Variants in MYH16 observed in about 807,000 individuals in gnomAD.
The protein encoded by MYH16 is putative uncharacterized protein MYH16.
chr7:99,301,217 A>G (rs1441350139), intron 37 of MYH16, among the ~76,000 whole-genome samples: 35 of 146,948 alleles, frequency 2.4e-4, no homozygotes, highest in East Asian at 2.2e-4. Flanking sequence ...AAAAAAAAAA[A>G]AGAGAGAGAG....
chr7:99,259,704 G>T (rs1791915817), intron 11 of MYH16, among the ~76,000 whole-genome samples: 1 of 147,126 alleles, frequency 6.8e-6, no homozygotes, highest in African/African-American at 2.5e-5. Flanking sequence ...ATATGTGTGT[G>T]TATATATATA....
chr7:99,259,836 T>A (rs1791918388), intron 11 of MYH16, among the ~76,000 whole-genome samples: 2 of 64,824 alleles, frequency 3.1e-5, no homozygotes, highest in South Asian at 8.0e-4. Context: ...ATTATATATA[T>A]ATGTATGTAT....
At chr7:99,248,410 T>G (rs1791759529) in intron 3 of MYH16, among the ~76,000 whole-genome samples, 1 of 152,192 alleles carries the variant, frequency 6.6e-6, no homozygotes, top group Non-Finnish European at 1.5e-5. Flanking sequence ...TCATGATTTT[T>G]TTTTTAAGAG....
intron 13 of MYH16, among the ~76,000 whole-genome samples, chr7:99,262,433 C>T (rs1791947418): frequency 6.6e-6 from 1 of 152,226 alleles, no homozygotes. Context: ...AAACAGCAGG[C>T]TTGGGACCAA....
At chr7:99,280,642 GTCTGTAT>G (rs1355772281) in intron 22 of MYH16, among the ~76,000 whole-genome samples, 1 of 152,180 alleles carries the variant, frequency 6.6e-6, no homozygotes, top group African/African-American at 2.4e-5. Flanking sequence ...GAGCCCAAGG[GTCTGTAT>G]TCCTAGCATG....
intron 13 of MYH16, among the ~76,000 whole-genome samples, chr7:99,262,368 A>G (rs763246606): frequency 2.0e-5 from 3 of 152,216 alleles, no homozygotes; most frequent in Non-Finnish European, 2.9e-5. Flanking sequence ...TGATACCATC[A>G]ACCATAACCA....
intron 11 of MYH16, among the ~76,000 whole-genome samples, chr7:99,259,696 ATGTGTGTGTATATATATATATGTGTG>A (rs1272950810): frequency 1.3e-5 from 2 of 149,904 alleles, no homozygotes; most frequent in Non-Finnish European, 3.0e-5. Context: ...TTTAATATAT[ATGTGTGTGTATATATATATATGTGTG>A]TGTGTGTGTA....
intron 25 of MYH16, among the ~76,000 whole-genome samples, chr7:99,284,604 A>G (rs552304756): frequency 6.6e-6 from 1 of 152,284 alleles, no homozygotes; most frequent in South Asian, 2.1e-4. Flanking sequence ...AAAGTGTCAC[A>G]TTAGTAAATG....
At chr7:99,246,751 G>A (rs1791736672) in intron 2 of MYH16, among the ~76,000 whole-genome samples, 1 of 151,518 alleles carries the variant, frequency 6.6e-6, no homozygotes, top group Admixed American at 6.6e-5. Context: ...AAAGAAACTA[G>A]CCCAGCATTT....
chr7:99,260,614 A>G (rs560536387), intron 12 of MYH16: 19 of 243,972 alleles, frequency 7.8e-5, no homozygotes, highest in Non-Finnish European at 2.5e-5. Flanking sequence ...AGATGGGAAC[A>G]TTGAGGCACA....
intron 5 of MYH16, among the ~76,000 whole-genome samples, chr7:99,250,296 G>A (rs1178266531): frequency 6.6e-6 from 1 of 152,188 alleles, no homozygotes; most frequent in Non-Finnish European, 1.5e-5. Flanking sequence ...CCCAGGCCAT[G>A]TCTGCCTCCA....
intron 20 of MYH16, among the ~76,000 whole-genome samples, chr7:99,276,291 G>A (rs912749464): frequency 3.9e-5 from 6 of 152,208 alleles, no homozygotes; most frequent in Admixed American, 6.5e-5. Context: ...CAAAAGAGGC[G>A]CAGGCTGTCC....
chr7:99,253,839 T>G (rs1428083627), intron 8 of MYH16: 1 of 181,594 alleles, frequency 5.5e-6, no homozygotes, highest in Non-Finnish European at 1.2e-5. Flanking sequence ...AAGACCTTTA[T>G]GTCTATCCAC....
At chr7:99,273,373 CACAA>C in exon 20 of MYH16, 1 of 456,726 alleles carries the variant, frequency 2.2e-6, no homozygotes, top group Non-Finnish European at 4.4e-6. Flanking sequence ...GCAGAACGTG[CACAA>C]GTTCCTGCAG....
Position 99,280,921 on chromosome 7 carries a change from C to T in MYH16, n.2933C>T, listed in dbSNP as rs138061825. On this transcript the variant is annotated non_coding_transcript_exon_variant, in exon 23 of 42. Coordinates refer to ENST00000439784, the Ensembl canonical transcript of MYH16. Reference sequence around the variant, plus strand: ...TACCCTGACGGGGGACCTCTCACTCCGTGAAGACTCCATCACCAAGCTCCA... The same window carrying T: ...TACCCTGACGGGGGACCTCTCACTCTGTGAAGACTCCATCACCAAGCTCCA... The T allele has an allele frequency of 4.4e-3, 1,860 of 424,520 alleles. 12 individuals carry two copies. Among genetic ancestry groups the T allele is most frequent in the Non-Finnish European group, 5.7e-3 (1,197 of 211,576 alleles). The allele number at this position is 424,520 out of a possible 1,614,324, so 26.3% of individuals were successfully genotyped here. A position where few individuals can be genotyped will look rare whatever the true frequency, so the allele number is the denominator to read the frequency against.
chr7:99,269,865 CTTTTTTTTTTT>C (rs983455403), intron 18 of MYH16, among the ~76,000 whole-genome samples: 1 of 107,702 alleles, frequency 9.3e-6, no homozygotes, highest in Non-Finnish European at 1.8e-5. Flanking sequence ...TCTGGGGACA[CTTTTTTTTTTT>C]TTTTTTTTTT....
chr7:99,267,104 G>C (rs1002569869), intron 18 of MYH16: 3 of 148,236 alleles, frequency 2.0e-5, no homozygotes, highest in African/African-American at 8.0e-5. Context: ...CAGCTGCTGA[G>C]AGCCTCAGTT....
chr7:99,299,880 C>T (rs1032067068), intron 37 of MYH16, among the ~76,000 whole-genome samples: 5 of 151,784 alleles, frequency 3.3e-5, no homozygotes, highest in African/African-American at 4.8e-5. Context: ...GAAAGATGGA[C>T]CAAAGGAGGG....
intron 23 of MYH16, among the ~76,000 whole-genome samples, chr7:99,281,990 A>G (rs1443960652): frequency 6.6e-6 from 1 of 152,216 alleles, no homozygotes; most frequent in Non-Finnish European, 1.5e-5. Context: ...TCCTTTCATA[A>G]CAAACACAGT....
Sources: gnomAD v4.1 joint callset for allele counts (sites outside exome capture counted in the v4.1 genomes callset) on GRCh38, gnomAD v4.1.1 for gene constraint, MANE v1.5 for transcripts, NCBI Gene and HGNC (gene_info 2026-07-23, HGNC 2026-07-21) for gene names.